The following DENND2B variants were observed in gnomAD, a reference collection of about 807,000 sequenced individuals.
DENND2B encodes the protein DENN domain containing 2B, also known as DENN domain-containing protein 2B.
DENND2B carries 32 observed loss-of-function variants against 116.0 expected under a neutral mutation model. The ratio of observed to expected loss-of-function variants is 0.28; its 90% CI spans 0.21 to 0.37. DENND2B has a LOEUF of 0.37. DENND2B is among the 10% of genes least tolerant of loss of function. The pLI is 1.00. For missense variants in DENND2B, 1,276 were observed against 1,477.7 expected (o/e 0.86, Z 2.24); for synonymous variants, 588 against 583.9 (o/e 1.01, Z -0.10).
chr11:8,752,298 A>G (rs1427113485), intron 1 of DENND2B, among the ~76,000 whole-genome samples: 2 of 152,134 alleles, frequency 1.3e-5, no homozygotes, highest in Admixed American at 1.3e-4. Flanking sequence ...CTAAAAATAC[A>G]AAAATCAGCC....
intron 18 of DENND2B, 70 bp downstream of exon 18, chr11:8,696,357 A>G (rs1358469773): frequency 2.5e-6 from 4 of 1,583,836 alleles, no homozygotes; most frequent in East Asian, 4.5e-5. Flanking sequence ...AGCTTCCATC[A>G]TAGTGCCTGG....
intron 3 of DENND2B, among the ~76,000 whole-genome samples, chr11:8,853,813 A>G (rs1566053969): frequency 6.6e-6 from 1 of 151,772 alleles, no homozygotes; most frequent in Non-Finnish European, 1.5e-5. Flanking sequence ...TGAGGTTTTT[A>G]TTTTTTTAGA....
chr11:8,860,563 T>G (rs551236519), intron 2 of DENND2B, among the ~76,000 whole-genome samples: 1 of 152,068 alleles, frequency 6.6e-6, no homozygotes, highest in Admixed American at 6.5e-5. Flanking sequence ...CAAATAGAAA[T>G]ACACCCCATG....
intron 1 of DENND2B, among the ~76,000 whole-genome samples, chr11:8,804,519 T>C (rs1394357005): frequency 1.3e-5 from 2 of 149,378 alleles, no homozygotes; most frequent in African/African-American, 4.9e-5. Flanking sequence ...GACAGAAAGA[T>C]GAACGAGATG....
At chr11:8,829,693 G>A (rs556639883) in intron 4 of DENND2B, among the ~76,000 whole-genome samples, 11 of 152,224 alleles carry the variant, frequency 7.2e-5, no homozygotes, top group Admixed American at 6.5e-4. Flanking sequence ...CCATGCTGCT[G>A]TTGTCTTAAA....
At chr11:8,708,032 C>G in intron 11 of DENND2B, 178 bp from the exon 12 acceptor site, 4 of 1,520,922 alleles carry the variant, frequency 2.6e-6, no homozygotes, top group Non-Finnish European at 3.5e-6. Flanking sequence ...CCACCACTCT[C>G]AGGACAGGCC....
intron 1 of DENND2B, among the ~76,000 whole-genome samples, chr11:8,803,284 C>G (rs2060513495): frequency 6.6e-6 from 1 of 152,168 alleles, no homozygotes; most frequent in Non-Finnish European, 1.5e-5. Flanking sequence ...ACTGGGGAGG[C>G]TGAGGCAGGA....
intron 3 of DENND2B, among the ~76,000 whole-genome samples, chr11:8,843,024 CT>C (rs77783163): frequency 4.7e-5 from 7 of 149,330 alleles, no homozygotes; most frequent in African/African-American, 4.9e-5. Context: ...TCTTTTCTCT[CT>C]TTTTTTTTTG....
At chr11:8,742,544 T>C (rs531481733) in intron 2 of DENND2B, among the ~76,000 whole-genome samples, 35 of 152,280 alleles carry the variant, frequency 2.3e-4, no homozygotes, top group African/African-American at 7.5e-4. Context: ...TAATAGGAAA[T>C]ACAGCTAATA....
At chr11:8,697,111 C>T (rs541098523) in intron 17 of DENND2B, among the ~76,000 whole-genome samples, 63 of 152,288 alleles carry the variant, frequency 4.1e-4, no homozygotes, top group Admixed American at 7.2e-4. Flanking sequence ...AACTAGCCTA[C>T]GAGCTGCAGA....
intron 2 of DENND2B, among the ~76,000 whole-genome samples, chr11:8,740,552 AAGCTGG>A (rs749602896): frequency 6.6e-6 from 1 of 152,162 alleles, no homozygotes; most frequent in Non-Finnish European, 1.5e-5. Flanking sequence ...AGAAGGGACT[AAGCTGG>A]AGCTAGTTGG....
At chr11:8,774,302 A>C (rs754162368) in intron 1 of DENND2B, 48 of 985,260 alleles carry the variant, frequency 4.9e-5, no homozygotes, top group Non-Finnish European at 5.8e-5. Context: ...CACAGTAATC[A>C]CCTGAAAGGC....
At chr11:8,782,359 C>A (rs1020897590) in intron 1 of DENND2B, among the ~76,000 whole-genome samples, 1 of 152,030 alleles carries the variant, frequency 6.6e-6, no homozygotes, top group Non-Finnish European at 1.5e-5. Flanking sequence ...AGTAATGAGG[C>A]TTTTATCAGT....
At position 8,837,514 on chromosome 11, in the gene DENND2B, A is replaced by G. The variant is rs112651484; in HGVS notation, c.-115+1796T>C. 3.1e-3 allele frequency among the ~76,000 whole-genome samples: 468 copies of G among 152,106 alleles called. 4 individuals are homozygous for G. Among genetic ancestry groups the G allele is most frequent in the African/African-American group, 0.011 (454 of 41,506 alleles). The stretch of plus-strand genomic sequence containing the variant: ...AGGCGCCCGCCACCATGCCCGGCTA[A>G]TTTTTGTATTTTTAGTAGAGATGGG... On this transcript the variant is annotated intron_variant, in intron 4 of 6. Coordinates refer to the DENND2B transcript ENST00000524757.
chr11:8,895,185 T>C (rs1277829082), intron 1 of DENND2B, among the ~76,000 whole-genome samples: 1 of 148,902 alleles, frequency 6.7e-6, no homozygotes, highest in Non-Finnish European at 1.5e-5. Context: ...CACTCATAGG[T>C]GGGAAGTGAA....
chr11:8,806,638 A>ACACACACACACACC (rs1017645452), intron 1 of DENND2B, among the ~76,000 whole-genome samples: 207 of 151,008 alleles, frequency 1.4e-3, no homozygotes, highest in African/African-American at 4.8e-3. Context: ...ACACACACAC[A>ACACACACACACACC]CCCAGGAGAG....
intron 2 of DENND2B, among the ~76,000 whole-genome samples, chr11:8,867,660 C>T (rs2134697705): frequency 7.0e-6 from 1 of 143,096 alleles, no homozygotes; most frequent in African/African-American, 2.5e-5. Context: ...CTTACTGCAG[C>T]CTCAACCTCC....
chr11:8,841,576 G>C (rs2062624876), intron 3 of DENND2B, among the ~76,000 whole-genome samples: 1 of 152,176 alleles, frequency 6.6e-6, no homozygotes. Context: ...CTTGAGCCTG[G>C]GCGGTCGAGG....
chr11:8,843,148 C>T (rs2062684068), intron 3 of DENND2B, among the ~76,000 whole-genome samples: 1 of 152,106 alleles, frequency 6.6e-6, no homozygotes, highest in Admixed American at 6.5e-5. Context: ...TCCTGAGGGG[C>T]TGGGATTACA....
Sources: allele counts gnomAD v4.1 joint callset (sites outside exome capture counted in the v4.1 genomes callset), GRCh38; gene constraint gnomAD v4.1.1; transcripts MANE v1.5; gene names NCBI Gene and HGNC (gene_info 2026-07-23, HGNC 2026-07-21).